The following RELL1 variants were observed in gnomAD, a reference collection of about 807,000 sequenced individuals.
RELL1 encodes RELT like 1, also known as RELT-like protein 1.
In RELL1, 10 loss-of-function variants were observed where a neutral mutation model predicts 23.0. The ratio of observed to expected loss-of-function variants is 0.43; its 90% CI spans 0.27 to 0.74. RELL1 has a LOEUF of 0.74. Among genes scored for constraint, RELL1 ranks in the 30% least tolerant of loss-of-function variants. The probability of loss-of-function intolerance (pLI) is 0.19; values close to 1 mark genes in which losing one functional copy is unlikely to be tolerated. For missense variants in RELL1, 315 were observed against 364.4 expected, an observed-to-expected ratio of 0.86 and a Z score of 1.10; for synonymous variants, 146 against 146.8, an observed-to-expected ratio of 0.99 and a Z score of 0.04.
At position 37,649,482 on chromosome 4, in the gene RELL1, G is replaced by T. The variant is rs1326468757; in HGVS notation, c.107C>A (p.Thr36Lys). The change falls in exon 2 of 7, where the codon ACA becomes AAA. Residue 36 changes from threonine to lysine, a missense_variant. By Grantham distance (78) the Thr-to-Lys change is moderately conservative. Transcript: ENST00000454158. ...LVAPDNGSSR[T>K]LHSRTETTPS... is the part of the protein sequence containing the mutation. ...GGTCGTCTCTGTTCTGGAGTGCAAT[G>T]TGCGGCTGCTCCCATTGTCTACAGA... is the stretch of plus-strand genomic sequence containing the variant. 6 of 1,613,698 alleles carry T rather than the reference G, an allele frequency of 3.7e-6. No individual in the cohort carries two copies. The highest frequency in any genetic ancestry group is 5.1e-6 in the Non-Finnish European group (6 of 1,179,864).
intron 6 of RELL1, among the ~76,000 whole-genome samples, chr4:37,603,058 T>G (rs1719057172): frequency 6.6e-6 from 1 of 152,234 alleles, no homozygotes; most frequent in South Asian, 2.1e-4. Flanking sequence ...AGTCTTTCGT[T>G]TTTAAAGGTG....
At chr4:37,597,974 C>T (rs1718911455) in intron 6 of RELL1, among the ~76,000 whole-genome samples, 1 of 150,854 alleles carries the variant, frequency 6.6e-6, no homozygotes, top group East Asian at 1.9e-4. Flanking sequence ...TTGCTTGAAC[C>T]CAGGAGGCAG....
chr4:37,665,354 C>T (rs6855306), intron 1 of RELL1: 4 of 451,514 alleles, frequency 8.9e-6, no homozygotes, highest in African/African-American at 8.0e-5. Context: ...CTGGGTTCAT[C>T]GAAATCAACA....
At chr4:37,616,569 G>A (rs1719582358) in intron 6 of RELL1, among the ~76,000 whole-genome samples, 1 of 152,170 alleles carries the variant, frequency 6.6e-6, no homozygotes, top group Non-Finnish European at 1.5e-5. Context: ...CCCAGTCCCT[G>A]GGAAGATCAA....
chr4:37,650,971 A>G (rs1299382330), intron 1 of RELL1, among the ~76,000 whole-genome samples: 1 of 150,352 alleles, frequency 6.7e-6, no homozygotes, highest in Non-Finnish European at 1.5e-5. Context: ...AGGTGAGAGG[A>G]TTGCTTGAGC....
chr4:37,650,227 G>A (rs549965157), intron 1 of RELL1, among the ~76,000 whole-genome samples: 1 of 152,352 alleles, frequency 6.6e-6, no homozygotes, highest in East Asian at 1.9e-4. Flanking sequence ...TACATTCTAG[G>A]AGGATTTAGT....
Position 37,668,565 on chromosome 4 carries a change from A to C in RELL1, c.88+17635T>G, listed in dbSNP as rs975418849. Among the ~76,000 whole-genome samples, 74 of 152,038 alleles carry C rather than the reference A, an allele frequency of 4.9e-4. No individual in the cohort carries two copies. In the South Asian group the frequency reaches 0.015, roughly 30 times the overall value. On this transcript the variant is annotated intron_variant, in intron 1 of 6. Transcript: ENST00000454158. ...TGCAGTGGCGTGATCTCGGCTCGCT[A>C]CAACATCCACCTCCCAGCAGCCTGC... is the stretch of plus-strand genomic sequence containing the variant.
chr4:37,663,635 G>T (rs1004780777), intron 1 of RELL1, among the ~76,000 whole-genome samples: 2 of 152,086 alleles, frequency 1.3e-5, no homozygotes, highest in African/African-American at 2.4e-5. Context: ...ACCCCCATTC[G>T]CAGATGAGGA....
At chr4:37,663,236 A>T (rs1207436968) in intron 1 of RELL1, among the ~76,000 whole-genome samples, 1 of 151,698 alleles carries the variant, frequency 6.6e-6, no homozygotes, top group Admixed American at 6.6e-5. Flanking sequence ...GGTGCTGTCC[A>T]TTTGGGGACT....
chr4:37,657,663 G>A (rs974586069), intron 1 of RELL1, among the ~76,000 whole-genome samples: 1 of 152,174 alleles, frequency 6.6e-6, no homozygotes. Flanking sequence ...AAGGCCTGGT[G>A]TGGTGGCTTA....
intron 6 of RELL1, among the ~76,000 whole-genome samples, chr4:37,621,664 G>T (rs890284460): frequency 6.6e-6 from 1 of 152,140 alleles, no homozygotes; most frequent in African/African-American, 2.4e-5. Flanking sequence ...GCAGTGAAAA[G>T]AGCAGATGTC....
At chr4:37,600,027 C>T (rs560473218) in intron 6 of RELL1, among the ~76,000 whole-genome samples, 2 of 152,136 alleles carry the variant, frequency 1.3e-5, no homozygotes, top group African/African-American at 4.8e-5. Context: ...CCCAGCACTC[C>T]GGGAGGCCGA....
intron 6 of RELL1, among the ~76,000 whole-genome samples, chr4:37,625,670 A>T (rs1200152424): frequency 6.6e-6 from 1 of 152,216 alleles, no homozygotes; most frequent in East Asian, 1.9e-4. Flanking sequence ...AACTCTAAAG[A>T]CTGTATCAGA....
intron 6 of RELL1, among the ~76,000 whole-genome samples, chr4:37,604,882 CACACAGACACACACACAG>C (rs1719137870): frequency 1.1e-5 from 1 of 88,494 alleles, no homozygotes. Context: ...CACACACATA[CACACAGACACACACACAG>C]ACACACACAC....
Position 37,612,402 on chromosome 4 carries a change from G to A in RELL1, c.*944C>T, listed in dbSNP as rs78768375. ...TATATTCCCAGCACTTTGGGAGGCCGAGGCGGGTAGATCGCCTGAGGTCAG... is the reference window on the plus strand; with the variant it reads ...TATATTCCCAGCACTTTGGGAGGCCAAGGCGGGTAGATCGCCTGAGGTCAG... On this transcript the variant is annotated 3_prime_UTR_variant, in exon 7 of 7. Transcript: ENST00000454158. 0.034 allele frequency among the ~76,000 whole-genome samples: 5,131 copies of A among 151,330 alleles called. 287 individuals are homozygous for A. Among genetic ancestry groups the A allele is most frequent in the East Asian group, 0.29 (1,472 of 5,074 alleles).
chr4:37,647,277 A>T (rs1720742512), intron 3 of RELL1, 91 bp downstream of exon 3: 3 of 827,006 alleles, frequency 3.6e-6, no homozygotes. Flanking sequence ...GAAGTCAGTA[A>T]GAGAGTCTAT....
intron 4 of RELL1, 26 bp downstream of exon 4, chr4:37,638,421 C>G: frequency 1.3e-6 from 2 of 1,586,040 alleles, no homozygotes; most frequent in Non-Finnish European, 1.7e-6. Context: ...AGATGTCGCA[C>G]TAAGAAAGAG....
intron 1 of RELL1, among the ~76,000 whole-genome samples, chr4:37,679,416 A>G (rs558072153): frequency 1.3e-5 from 2 of 152,302 alleles, no homozygotes; most frequent in South Asian, 4.1e-4. Flanking sequence ...AAATTTTGCT[A>G]CTTTGAGCAG....
At chr4:37,592,544 A>C (rs1386776801) in intron 6 of RELL1, among the ~76,000 whole-genome samples, 1 of 152,172 alleles carries the variant, frequency 6.6e-6, no homozygotes, top group Non-Finnish European at 1.5e-5. Context: ...AACAAGGACA[A>C]CCATTCTAAC....
Sources: allele counts gnomAD v4.1 joint callset (sites outside exome capture counted in the v4.1 genomes callset), GRCh38; gene constraint gnomAD v4.1.1; transcripts MANE v1.5; gene names NCBI Gene and HGNC (gene_info 2026-07-23, HGNC 2026-07-21).